ZNF410: variants seen among roughly 807,000 people sequenced by gnomAD.
ZNF410 encodes the protein another partner for ARF 1.
In ZNF410, 18 loss-of-function variants were observed where a neutral mutation model predicts 54.8. The observed-to-expected ratio is 0.33, with a 90% CI of 0.23 to 0.49. The LOEUF (loss-of-function observed/expected upper bound fraction) is 0.49, where lower values mean the gene tolerates loss of function less well. ZNF410 is among the 20% of genes least tolerant of loss of function. The probability of loss-of-function intolerance (pLI) is 0.99; values close to 1 mark genes in which losing one functional copy is unlikely to be tolerated. For synonymous variants in ZNF410, 191 were observed against 207.3 expected, an observed-to-expected ratio of 0.92 and a Z score of 0.68; for missense variants, 405 against 569.6, an observed-to-expected ratio of 0.71 and a Z score of 2.94.
At chr14:73,887,302 G>A (rs538166487) in intron 1 of ZNF410, 2 of 152,424 alleles carry the variant, frequency 1.3e-5, no homozygotes, top group African/African-American at 2.4e-5. Flanking sequence ...TGGGGTAGAG[G>A]ATGCCAGGAG....
At chr14:73,897,884 A>C (rs1016607019) in intron 4 of ZNF410, among the ~76,000 whole-genome samples, 187 bp from the exon 5 acceptor site, 7 of 150,864 alleles carry the variant, frequency 4.6e-5, no homozygotes, top group Admixed American at 4.0e-4. Flanking sequence ...AGGCAGGAGA[A>C]TCACTTGAAC....
intron 11 of ZNF410, among the ~76,000 whole-genome samples, chr14:73,929,347 C>T: frequency 6.6e-6 from 1 of 152,094 alleles, no homozygotes; most frequent in East Asian, 1.9e-4. Flanking sequence ...GCTATTTCTC[C>T]AGTGAGTGAG....
intron 7 of ZNF410, among the ~76,000 whole-genome samples, chr14:73,908,325 T>A (rs1484707820): frequency 6.6e-6 from 1 of 152,250 alleles, no homozygotes; most frequent in South Asian, 2.1e-4. Context: ...TTTTGTTTTT[T>A]CAGTTCTTTA....
At chr14:73,894,539 G>A in intron 3 of ZNF410, 2 of 641,080 alleles carry the variant, frequency 3.1e-6, no homozygotes, top group Non-Finnish European at 5.6e-6. Context: ...CTATTCTCCT[G>A]CCTCAGCCTC....
At chr14:73,889,729 G>T (rs960483825) in intron 1 of ZNF410, among the ~76,000 whole-genome samples, 6 of 151,762 alleles carry the variant, frequency 4.0e-5, no homozygotes, top group African/African-American at 1.5e-4. Flanking sequence ...GAAAAGTCAG[G>T]GATTTATGAT....
chr14:73,923,320 T>G, intron 10 of ZNF410, 75 bp from the exon 11 acceptor site: 5 of 1,509,646 alleles, frequency 3.3e-6, no homozygotes, highest in East Asian at 4.7e-5. Flanking sequence ...GAGTTGTTAA[T>G]GAGAGGCTTA....
intron 8 of ZNF410, among the ~76,000 whole-genome samples, chr14:73,910,980 A>G (rs993764039): frequency 6.6e-6 from 1 of 151,964 alleles, no homozygotes; most frequent in Non-Finnish European, 1.5e-5. Flanking sequence ...TGAGTGCTAG[A>G]GGGGCTCTGT....
chr14:73,917,323 G>A (rs17182680), intron 8 of ZNF410, among the ~76,000 whole-genome samples: 76,623 of 151,884 alleles, frequency 0.5, 19,418 homozygotes, highest in South Asian at 0.61. Flanking sequence ...AGCTTGATAT[G>A]TAGATTTGCT....
rs749062667 is a variant in ZNF410, at chr14:73,900,665, G to A, written c.580+2403G>A. ...GCTGGGATTACATGCGTGAGCCACC[G>A]TGCGTGGTCCCACATATACATTTTA... On this transcript the variant is annotated intron_variant, in intron 5 of 11. Transcript: ENST00000555044. 2.0e-4 allele frequency among the ~76,000 whole-genome samples: 30 copies of A among 152,068 alleles called. 1 individual carries two copies. Among genetic ancestry groups the A allele is most frequent in the Admixed American group, 9.2e-4 (14 of 15,258 alleles).
At chr14:73,907,203 C>T (rs953798105) in intron 7 of ZNF410, among the ~76,000 whole-genome samples, 1 of 152,070 alleles carries the variant, frequency 6.6e-6, no homozygotes, top group African/African-American at 2.4e-5. Flanking sequence ...CTGATATGAC[C>T]CCAAAGCTCT....
rs1289407581 is a variant in ZNF410 at position 73,920,810 on chromosome 14, T to C, written c.1004-170T>C. On this transcript the variant is annotated intron_variant, in intron 8 of 11. Transcript: ENST00000555044. ...TGCTAAAGCCCTCCTGGTGTACTCTTCCTGCCTTCCCCCATATACTGAAGT... is the reference window on the plus strand; with the variant it reads ...TGCTAAAGCCCTCCTGGTGTACTCTCCCTGCCTTCCCCCATATACTGAAGT... The C allele has an allele frequency of 4.0e-6, 3 of 745,484 alleles. No homozygotes were observed. In the African/African-American group the frequency reaches 5.3e-5, roughly 13 times the overall value. The allele number at this position is 745,484 out of a possible 1,614,324, so 46.2% of individuals were successfully genotyped here.
At chr14:73,899,647 A>AGCCCTGGGATCCAG (rs2055375876) in intron 5 of ZNF410, among the ~76,000 whole-genome samples, 2 of 152,110 alleles carry the variant, frequency 1.3e-5, no homozygotes, top group Admixed American at 1.3e-4. Flanking sequence ...AGAATCTGGG[A>AGCCCTGGGATCCAG]GCCCTGGGAT....
At chr14:73,925,466 C>T (rs1055547723) in intron 11 of ZNF410, among the ~76,000 whole-genome samples, 4 of 150,988 alleles carry the variant, frequency 2.6e-5, no homozygotes, top group Admixed American at 6.6e-5. Flanking sequence ...GTCCCACTGT[C>T]GCCCAGGCTG....
chr14:73,901,310 C>T (rs190527835), intron 5 of ZNF410, among the ~76,000 whole-genome samples: 2 of 152,282 alleles, frequency 1.3e-5, no homozygotes, highest in African/African-American at 2.4e-5. Flanking sequence ...GTGGTTCACA[C>T]CTATAATCCC....
At chr14:73,888,788 T>G (rs990853345) in intron 1 of ZNF410, among the ~76,000 whole-genome samples, 1 of 152,220 alleles carries the variant, frequency 6.6e-6, no homozygotes, top group Non-Finnish European at 1.5e-5. Context: ...ATCCCCACAG[T>G]ACACTTGATA....
intron 7 of ZNF410, among the ~76,000 whole-genome samples, chr14:73,908,670 T>C (rs1327532441): frequency 6.6e-6 from 1 of 152,232 alleles, no homozygotes; most frequent in Non-Finnish European, 1.5e-5. Flanking sequence ...ACAGTATTCC[T>C]GGTGCCTGAA....
At chr14:73,910,808 G>T in intron 8 of ZNF410, among the ~76,000 whole-genome samples, 2 of 140,582 alleles carry the variant, frequency 1.4e-5, no homozygotes, top group African/African-American at 5.8e-5. Context: ...GCTGCAGTGA[G>T]TTGTGATTGC....
intron 1 of ZNF410, among the ~76,000 whole-genome samples, chr14:73,888,006 T>C (rs2055170672): frequency 6.6e-6 from 1 of 152,012 alleles, no homozygotes; most frequent in Admixed American, 6.6e-5. Flanking sequence ...AGAGGAATTT[T>C]AAACGCGGGG....
At chr14:73,895,854 A>G (rs1021940776) in intron 3 of ZNF410, among the ~76,000 whole-genome samples, 1 of 152,238 alleles carries the variant, frequency 6.6e-6, no homozygotes, top group Non-Finnish European at 1.5e-5. Flanking sequence ...AGCCTGAGAT[A>G]CAACCATAGG....
Sources: gnomAD v4.1 joint callset for allele counts (sites outside exome capture counted in the v4.1 genomes callset) on GRCh38, gnomAD v4.1.1 for gene constraint, MANE v1.5 for transcripts, NCBI Gene and HGNC (gene_info 2026-07-23, HGNC 2026-07-21) for gene names.